The following SIPA1L3 variants were observed in gnomAD, a reference collection of about 807,000 sequenced individuals.
SIPA1L3 encodes the protein signal-induced proliferation-associated 1-like protein 3.
SIPA1L3 carries 59 observed loss-of-function variants against 150.1 expected under a neutral mutation model. That is an observed-to-expected ratio of 0.39 (90% CI 0.32 to 0.49). SIPA1L3 has a LOEUF of 0.49. Ranked by LOEUF, SIPA1L3 falls within the 20% of genes least tolerant of loss-of-function variation. SIPA1L3 has a pLI of 0.86. For synonymous variants in SIPA1L3, 1,070 were observed against 1,077.6 expected (o/e 0.99, Z 0.14); for missense variants, 2,211 against 2,489.5 (o/e 0.89, Z 2.38).
rs58788182 is a variant in SIPA1L3 at position 38,077,661 on chromosome 19, CTTTTTTTTTTT to C, written c.-310-3578_-310-3568del. Reference sequence around the variant, plus strand: ...TTTTTTCTTTTTTCTTTTTCTTTTTCTTTTTTTTTTTTTTTTTTTTTTTTTTTGAGATGGAG... The same window carrying C: ...TTTTTTCTTTTTTCTTTTTCTTTTTCTTTTTTTTTTTTTTTTGAGATGGAG... On this transcript the variant is annotated intron_variant, in intron 2 of 21. Coordinates refer to ENST00000222345, the MANE Select transcript of SIPA1L3 (RefSeq NM_015073.3). 9.3e-5 allele frequency among the ~76,000 whole-genome samples: 6 copies of C among 64,348 alleles called. No individual in the cohort carries two copies. In the East Asian group the frequency reaches 2.2e-3, roughly 23 times the overall value. 42.2% of individuals were successfully genotyped at this position (64,348 alleles called of 152,430 possible). A position where few individuals can be genotyped will look rare whatever the true frequency, so the allele number is the denominator to read the frequency against.
chr19:38,059,058 C>A (rs984722808), intron 2 of SIPA1L3, among the ~76,000 whole-genome samples: 1 of 150,856 alleles, frequency 6.6e-6, no homozygotes, highest in African/African-American at 2.4e-5. Flanking sequence ...CAAAGTCTTG[C>A]CCTGTCACCC....
At chr19:37,907,524 C>T (rs958548830) in intron 1 of SIPA1L3, 166 bp downstream of exon 1, 3 of 152,236 alleles carry the variant, frequency 2.0e-5, no homozygotes, top group East Asian at 1.9e-4. Context: ...GACTCGTGCC[C>T]GCATGGCTCA....
At chr19:37,951,775 T>G (rs2046766352) in intron 1 of SIPA1L3, among the ~76,000 whole-genome samples, 1 of 151,296 alleles carries the variant, frequency 6.6e-6, no homozygotes, top group Admixed American at 6.6e-5. Flanking sequence ...CGGGCGCCTG[T>G]AGTCCCAGCT....
intron 3 of SIPA1L3, among the ~76,000 whole-genome samples, chr19:38,085,497 A>G (rs1050746275): frequency 6.6e-5 from 10 of 152,088 alleles, no homozygotes; most frequent in South Asian, 4.1e-4. Flanking sequence ...AAAAAAAAAA[A>G]AAGAAGTTCC....
chr19:37,958,802 T>C (rs1051173314), intron 1 of SIPA1L3, among the ~76,000 whole-genome samples: 4 of 152,222 alleles, frequency 2.6e-5, no homozygotes, highest in Non-Finnish European at 5.9e-5. Flanking sequence ...ATAAAGGACT[T>C]ATGTGCTGAA....
At chr19:38,111,683 C>T (rs1198756959) in intron 8 of SIPA1L3, among the ~76,000 whole-genome samples, 5 of 152,282 alleles carry the variant, frequency 3.3e-5, no homozygotes, top group Admixed American at 2.0e-4. Flanking sequence ...ACATGTTGCC[C>T]GCTGGCTACT....
At chr19:38,193,383 A>G (rs1412105980) in intron 17 of SIPA1L3, among the ~76,000 whole-genome samples, 154 bp from the exon 18 acceptor site, 8 of 100,304 alleles carry the variant, frequency 8.0e-5, no homozygotes, top group Non-Finnish European at 1.6e-4. Flanking sequence ...GGGAGGGAGG[A>G]AGGGAGGGAG....
intron 2 of SIPA1L3, among the ~76,000 whole-genome samples, chr19:38,076,402 G>C (rs1969838173): frequency 6.6e-6 from 1 of 152,118 alleles, no homozygotes; most frequent in Admixed American, 6.6e-5. Context: ...ATTAACTGCA[G>C]TACACACTGC....
At chr19:37,937,072 A>G (rs1015345498) in intron 1 of SIPA1L3, among the ~76,000 whole-genome samples, 2 of 152,200 alleles carry the variant, frequency 1.3e-5, no homozygotes, top group African/African-American at 2.4e-5. Flanking sequence ...TATGTTGCCC[A>G]GGCTGGTTTC....
intron 18 of SIPA1L3, among the ~76,000 whole-genome samples, chr19:38,196,455 CGGAGTGTGGAGGTCAA>C (rs1972944772): frequency 7.7e-6 from 1 of 130,466 alleles, no homozygotes; most frequent in African/African-American, 3.0e-5. Context: ...AGGTCAAGGG[CGGAGTGTGGAGGTCAA>C]GGGCAGAGTG....
intron 9 of SIPA1L3, among the ~76,000 whole-genome samples, chr19:38,127,886 C>T (rs531634150): frequency 6.6e-6 from 1 of 152,028 alleles, no homozygotes; most frequent in East Asian, 1.9e-4. Flanking sequence ...GGTGGGGTAG[C>T]TTATAAGCAA....
intron 10 of SIPA1L3, among the ~76,000 whole-genome samples, chr19:38,132,275 A>G (rs1971329373): frequency 6.6e-6 from 1 of 150,784 alleles, no homozygotes; most frequent in Non-Finnish European, 1.5e-5. Flanking sequence ...GAATTCTCCT[A>G]TTGGCCGGGT....
intron 2 of SIPA1L3, among the ~76,000 whole-genome samples, chr19:38,074,535 G>C (rs897555822): frequency 6.6e-5 from 10 of 152,266 alleles, no homozygotes; most frequent in African/African-American, 2.4e-4. Context: ...CATCATCCCA[G>C]CTTGACCTGG....
chr19:37,957,312 A>G (rs2046819535), intron 1 of SIPA1L3, among the ~76,000 whole-genome samples: 1 of 152,194 alleles, frequency 6.6e-6, no homozygotes, highest in Admixed American at 6.5e-5. Flanking sequence ...TATCTGCACA[A>G]AAGCCTGCTG....
chr19:38,028,094 C>T (rs1345412515), intron 1 of SIPA1L3, among the ~76,000 whole-genome samples: 1 of 152,068 alleles, frequency 6.6e-6, no homozygotes, highest in East Asian at 1.9e-4. Context: ...TGCCGGTGCC[C>T]AGAATGTGAT....
chr19:37,960,580 T>A lies in SIPA1L3; in HGVS notation c.-379+53222T>A, dbSNP rs957366047. On this transcript the variant is annotated intron_variant, in intron 1 of 21. Transcript: ENST00000222345. Reference sequence around the variant, plus strand: ...CACCACGCCTGGCTAATTTTTTTTTTTTATTTTTAGTAGAGACGGGGTTTC... The same window carrying A: ...CACCACGCCTGGCTAATTTTTTTTTATTATTTTTAGTAGAGACGGGGTTTC... Among the ~76,000 whole-genome samples the A allele has an allele frequency of 1.7e-4, 26 of 152,086 alleles. No individual in the cohort carries two copies. The East Asian group carries it at 4.1e-3, about 24-fold the overall frequency.
chr19:38,169,048 T>C (rs952626998), intron 15 of SIPA1L3, among the ~76,000 whole-genome samples: 1 of 152,120 alleles, frequency 6.6e-6, no homozygotes, highest in Non-Finnish European at 1.5e-5. Context: ...ATTTTACAGA[T>C]ACCACCTTGG....
rs765397360 is a variant in SIPA1L3 at position 38,082,661 on chromosome 19, C to T, written c.1096C>T (p.Arg366Trp). Residue 366 changes from arginine to tryptophan, a missense_variant, in exon 3 of 22, where the codon CGG (arginine) becomes TGG (tryptophan). Arg to Trp is a moderately radical substitution (Grantham distance 101). Coordinates refer to ENST00000222345, the MANE Select transcript of SIPA1L3 (RefSeq NM_015073.3). ...AANRVSVSQR[R>W]NTTTGASAAS... is the part of the protein sequence containing the mutation. Reference sequence around the variant, plus strand: ...CAACAGGGTGTCGGTGTCGCAGCGGCGGAACACCACCACGGGTGCTTCGGC... The same window carrying T: ...CAACAGGGTGTCGGTGTCGCAGCGGTGGAACACCACCACGGGTGCTTCGGC... 3 of 1,608,002 alleles carry T rather than the reference C, an allele frequency of 1.9e-6. No homozygotes were observed. Among genetic ancestry groups the T allele is most frequent in the Non-Finnish European group, 2.5e-6 (3 of 1,179,544 alleles).
chr19:38,102,227 A>G (rs1412504663), intron 6 of SIPA1L3, among the ~76,000 whole-genome samples: 1 of 150,512 alleles, frequency 6.6e-6, no homozygotes, highest in Non-Finnish European at 1.5e-5. Context: ...TTGTATTTTT[A>G]GTAGAGATGG....
Sources: gnomAD v4.1 joint callset for allele counts (sites outside exome capture counted in the v4.1 genomes callset) on GRCh38, gnomAD v4.1.1 for gene constraint, MANE v1.5 for transcripts, NCBI Gene and HGNC (gene_info 2026-07-23, HGNC 2026-07-21) for gene names.